Variants in RAP1GDS1 observed in about 807,000 individuals in gnomAD.
RAP1GDS1 encodes the protein RAP1, GTP-GDP dissociation stimulator 1.
Under a neutral mutation model 71.1 loss-of-function variants are expected in RAP1GDS1, and 35 were observed. That is an observed-to-expected ratio of 0.49 (90% CI 0.38 to 0.65). The LOEUF (loss-of-function observed/expected upper bound fraction) is 0.65, where lower values mean the gene tolerates loss of function less well. Ranked by LOEUF, RAP1GDS1 falls within the 30% of genes least tolerant of loss-of-function variation. The probability of loss-of-function intolerance (pLI) is 0.00; values close to 1 mark genes in which losing one functional copy is unlikely to be tolerated. For missense variants in RAP1GDS1, 663 were observed against 706.1 expected (o/e 0.94, Z 0.69); for synonymous variants, 229 against 243.1 (o/e 0.94, Z 0.54).
At chr4:98,399,051 T>A (rs1744972563) in intron 6 of RAP1GDS1, among the ~76,000 whole-genome samples, 1 of 152,114 alleles carries the variant, frequency 6.6e-6, no homozygotes, top group African/African-American at 2.4e-5. Flanking sequence ...TGACTTTTTT[T>A]TTGTGGAGAT....
At chr4:98,392,924 A>G (rs1428451891) in intron 6 of RAP1GDS1, among the ~76,000 whole-genome samples, 5 of 152,200 alleles carry the variant, frequency 3.3e-5, no homozygotes, top group South Asian at 4.1e-4. Context: ...CTGGAAACAC[A>G]TCCTAGTCAT....
chr4:98,428,099 A>G (rs1326606844), intron 12 of RAP1GDS1, among the ~76,000 whole-genome samples: 2 of 152,042 alleles, frequency 1.3e-5, no homozygotes, highest in Admixed American at 1.3e-4. Context: ...CAAAAACAAA[A>G]TGGGGAAAGG....
At chr4:98,388,767 G>T (rs776347464) in intron 5 of RAP1GDS1, among the ~76,000 whole-genome samples, 4 of 152,044 alleles carry the variant, frequency 2.6e-5, no homozygotes, top group Non-Finnish European at 4.4e-5. Context: ...TTTGACACTG[G>T]TTCTTAAATT....
chr4:98,348,186 A>G (rs143935577), intron 3 of RAP1GDS1, among the ~76,000 whole-genome samples: 282 of 152,032 alleles, frequency 1.9e-3, no homozygotes, highest in African/African-American at 6.4e-3. Flanking sequence ...TCATTATTCA[A>G]TTCCCACCTG....
chr4:98,365,267 G>T (rs556043524), intron 4 of RAP1GDS1, among the ~76,000 whole-genome samples: 1 of 152,208 alleles, frequency 6.6e-6, no homozygotes, highest in African/African-American at 2.4e-5. Flanking sequence ...CAAGTTTGCA[G>T]ACAAGTATCT....
At position 98,415,606 on chromosome 4, in the gene RAP1GDS1, A is replaced by G. The variant is rs540882310; in HGVS notation, c.764-1139A>G. On this transcript the variant is annotated intron_variant, in intron 7 of 14. Coordinates refer to ENST00000408927, the MANE Select transcript of RAP1GDS1 (RefSeq NM_001100427.2). ...AGGCAAATATAAGCTCTTCAGTGAA[A>G]TAAGTGTTATAATGAAAGAATACTT... is the stretch of plus-strand genomic sequence containing the variant. Among the ~76,000 whole-genome samples the G allele has an allele frequency of 6.6e-5, 10 of 152,204 alleles. No individual in the cohort carries two copies. In the South Asian group the frequency reaches 2.1e-3, roughly 32 times the overall value.
intron 14 of RAP1GDS1, among the ~76,000 whole-genome samples, chr4:98,439,727 A>G (rs1751648044): frequency 6.6e-6 from 1 of 152,130 alleles, no homozygotes; most frequent in Non-Finnish European, 1.5e-5. Context: ...TCAGTTATAT[A>G]TTTTAGTTAA....
At chr4:98,385,326 A>T (rs188715095) in intron 5 of RAP1GDS1, among the ~76,000 whole-genome samples, 194 of 151,890 alleles carry the variant, frequency 1.3e-3, no homozygotes, top group African/African-American at 4.5e-3. Context: ...AAGTGTTCCT[A>T]TACTAGTTGA....
chr4:98,437,004 T>C lies in RAP1GDS1; in HGVS notation c.1632T>C (p.Asp544=), dbSNP rs763986983. Residue 544 remains aspartate (D), a synonymous_variant, in exon 14 of 15, where the codon GAT becomes GAC. Transcript: ENST00000408927. ...LVQILHRLLA[D]ERSAPEIKYN... ...AGATTTTACATAGACTGCTAGCAGA[T>C]GAGAGAAGTGCTCCTGAAATCAAAT... 6.2e-7 allele frequency: 1 copy of C among 1,612,766 alleles called. No homozygotes were observed. Among genetic ancestry groups the C allele is most frequent in the African/African-American group, 1.3e-5 (1 of 75,014 alleles).
At chr4:98,318,272 A>AG (rs924674936) in intron 2 of RAP1GDS1, among the ~76,000 whole-genome samples, 1 of 152,304 alleles carries the variant, frequency 6.6e-6, no homozygotes, top group Non-Finnish European at 1.5e-5. Flanking sequence ...AGAGATCCTC[A>AG]GGGGATGCGT....
intron 14 of RAP1GDS1, chr4:98,441,220 G>A: frequency 2.0e-6 from 1 of 504,662 alleles, no homozygotes; most frequent in Non-Finnish European, 2.6e-6. Flanking sequence ...AAACACATCA[G>A]TTTCAGTAGT....
chr4:98,278,141 G>T (rs1724508657), intron 1 of RAP1GDS1, among the ~76,000 whole-genome samples: 1 of 152,132 alleles, frequency 6.6e-6, no homozygotes, highest in Non-Finnish European at 1.5e-5. Flanking sequence ...GGAGATTGTA[G>T]TGAGCCAAGA....
intron 1 of RAP1GDS1, among the ~76,000 whole-genome samples, chr4:98,279,183 C>T (rs1724684192): frequency 1.3e-5 from 2 of 152,052 alleles, no homozygotes; most frequent in Non-Finnish European, 2.9e-5. Flanking sequence ...GAGATCGCAC[C>T]ACTGCACTCC....
Position 98,351,054 on chromosome 4 carries a change from A to G in RAP1GDS1, c.236-1422A>G, listed in dbSNP as rs543921119. 1.9e-3 allele frequency among the ~76,000 whole-genome samples: 296 copies of G among 152,338 alleles called. 1 individual carries two copies. Among genetic ancestry groups the G allele is most frequent in the African/African-American group, 6.9e-3 (288 of 41,568 alleles). ...AATCTATGAAGGGTCTAAAGTAACC[A>G]TTAACTAAAGAGGTAGATAAGCAGA... On this transcript the variant is annotated intron_variant, in intron 3 of 14. Transcript: ENST00000408927.
chr4:98,397,460 T>TC (rs1432597526), intron 6 of RAP1GDS1, among the ~76,000 whole-genome samples: 8 of 150,794 alleles, frequency 5.3e-5, no homozygotes, highest in Non-Finnish European at 7.4e-5. Flanking sequence ...TAGTGAGACC[T>TC]CCCCCCGACC....
rs1255379841 is a variant in RAP1GDS1 at position 98,324,973 on chromosome 4, A to T, written c.113-18166A>T. ...GCACAGCAAAAGAAACTACCATCAG[A>T]GTGAACAGGCAACCTACAAAATGGG... is the stretch of plus-strand genomic sequence containing the variant. On this transcript the variant is annotated intron_variant, in intron 2 of 14. Coordinates refer to ENST00000408927, the MANE Select transcript of RAP1GDS1 (RefSeq NM_001100427.2). Among the ~76,000 whole-genome samples, 9 of 151,338 alleles carry T rather than the reference A, an allele frequency of 5.9e-5. No homozygotes were observed. The East Asian group carries it at 1.7e-3, about 29-fold the overall frequency.
chr4:98,276,512 G>T (rs1724223898), intron 1 of RAP1GDS1, among the ~76,000 whole-genome samples: 1 of 149,870 alleles, frequency 6.7e-6, no homozygotes, highest in Non-Finnish European at 1.5e-5. Context: ...TTGAGTAAAA[G>T]AGAATATTTT....
intron 2 of RAP1GDS1, among the ~76,000 whole-genome samples, chr4:98,328,636 A>G (rs1219344693): frequency 6.6e-6 from 1 of 152,172 alleles, no homozygotes; most frequent in Non-Finnish European, 1.5e-5. Context: ...GATGTGTTTT[A>G]TAGTTTTTTT....
chr4:98,361,092 A>C (rs917007748), intron 4 of RAP1GDS1, among the ~76,000 whole-genome samples: 2 of 151,654 alleles, frequency 1.3e-5, no homozygotes, highest in African/African-American at 4.8e-5. Context: ...AAAAAAAAAA[A>C]AGAGTGAATA....
Sources: allele counts gnomAD v4.1 joint callset (sites outside exome capture counted in the v4.1 genomes callset), GRCh38; gene constraint gnomAD v4.1.1; transcripts MANE v1.5; gene names NCBI Gene and HGNC (gene_info 2026-07-23, HGNC 2026-07-21).